RAD9B: variants seen among roughly 807,000 people sequenced by gnomAD.
RAD9B encodes the protein RAD9 checkpoint clamp component B, also known as cell cycle checkpoint control protein RAD9B.
RAD9B carries 41 observed loss-of-function variants against 48.3 expected under a neutral mutation model. The observed-to-expected ratio is 0.85, with a 90% CI of 0.66 to 1.10. The LOEUF (loss-of-function observed/expected upper bound fraction) is 1.10. Among genes scored for constraint, RAD9B ranks in the 50% least tolerant of loss-of-function variants. RAD9B has a pLI of 0.00. For missense variants in RAD9B, 444 were observed against 485.1 expected, an observed-to-expected ratio of 0.92 and a Z score of 0.80; for synonymous variants, 160 against 157.9, an observed-to-expected ratio of 1.01 and a Z score of -0.10.
rs562104997 is a variant in RAD9B, at chr12:110,514,730, G to C, written c.489-320G>C. Among the ~76,000 whole-genome samples the C allele has an allele frequency of 9.9e-5, 15 of 152,274 alleles. No homozygotes were observed. The South Asian group carries it at 3.1e-3, about 32-fold the overall frequency. On this transcript the variant is annotated intron_variant, in intron 5 of 10. Transcript: ENST00000409300. Reference sequence around the variant, plus strand: ...GTATCTCCCTTTACAGTATGATCTAGGGCATAAGTAACTGGGCATACAAAA... The same window carrying C: ...GTATCTCCCTTTACAGTATGATCTACGGCATAAGTAACTGGGCATACAAAA...
chr12:110,512,717 A>T (rs1448325733), intron 4 of RAD9B, 62 bp from the exon 5 acceptor site: 3 of 726,088 alleles, frequency 4.1e-6, no homozygotes, highest in Non-Finnish European at 6.9e-6. Flanking sequence ...AAACTTAAAG[A>T]CTTCTTTAAT....
At chr12:110,504,184 T>G (rs1451591186) in intron 2 of RAD9B, among the ~76,000 whole-genome samples, 7 of 151,618 alleles carry the variant, frequency 4.6e-5, no homozygotes, top group Admixed American at 4.6e-4. Flanking sequence ...ATTTAAAAAT[T>G]GAGGCCGGGC....
At chr12:110,510,927 C>G (rs1294680279) in intron 4 of RAD9B, among the ~76,000 whole-genome samples, 1 of 151,166 alleles carries the variant, frequency 6.6e-6, no homozygotes. Flanking sequence ...ACAGTCTAGC[C>G]TTGGCAACAG....
intron 3 of RAD9B, 43 bp from the exon 4 acceptor site, chr12:110,506,536 A>G: frequency 1.0e-6 from 1 of 979,500 alleles, no homozygotes; most frequent in South Asian, 1.3e-5. Flanking sequence ...AAAATGAATC[A>G]ACCATGTTAA....
At chr12:110,522,850 C>T (rs1271433195) in intron 10 of RAD9B, among the ~76,000 whole-genome samples, 1 of 152,092 alleles carries the variant, frequency 6.6e-6, no homozygotes, top group Non-Finnish European at 1.5e-5. Context: ...AATTTCATCC[C>T]AACAAATATC....
intron 2 of RAD9B, among the ~76,000 whole-genome samples, chr12:110,505,187 A>G (rs570254315): frequency 6.6e-6 from 1 of 152,202 alleles, no homozygotes; most frequent in Admixed American, 6.5e-5. Flanking sequence ...ATATGTATGT[A>G]TATATATAGG....
Position 110,531,645 on chromosome 12 carries a change from T to C in RAD9B, c.*992T>C. On this transcript the variant is annotated 3_prime_UTR_variant, in exon 11 of 11. Coordinates refer to ENST00000409300, the MANE Select transcript of RAD9B (RefSeq NM_001286535.2). ...TATTATCTGACATAGAACAGTATCC[T>C]CCACTGCCAAGACAGCCTGAGTTTG... The C allele has an allele frequency of 1.9e-6, 3 of 1,608,632 alleles. No homozygotes were observed. The highest frequency in any genetic ancestry group is 1.7e-6 in the Non-Finnish European group (2 of 1,178,270).
chr12:110,529,416 A>G (rs1305187933), intron 10 of RAD9B, among the ~76,000 whole-genome samples: 1 of 152,210 alleles, frequency 6.6e-6, no homozygotes, highest in East Asian at 1.9e-4. Context: ...AAGTGCTGGG[A>G]TTACAGGCGT....
At chr12:110,509,952 G>A (rs1376262247) in intron 4 of RAD9B, among the ~76,000 whole-genome samples, 1 of 152,096 alleles carries the variant, frequency 6.6e-6, no homozygotes, top group Non-Finnish European at 1.5e-5. Flanking sequence ...TCCACCAAAA[G>A]TAACTTGAAA....
At chr12:110,519,450 G>T (rs1285743283) in intron 8 of RAD9B, among the ~76,000 whole-genome samples, 1 of 147,112 alleles carries the variant, frequency 6.8e-6, no homozygotes, top group African/African-American at 2.6e-5. Flanking sequence ...TTGTTGTTGA[G>T]ATGGAGTTTT....
intron 10 of RAD9B, among the ~76,000 whole-genome samples, chr12:110,528,759 G>C (rs1204155090): frequency 6.6e-6 from 1 of 152,216 alleles, no homozygotes; most frequent in Non-Finnish European, 1.5e-5. Flanking sequence ...AGACAGTCTT[G>C]CTCTGTTGCC....
At chr12:110,508,659 G>A (rs1404345188) in intron 4 of RAD9B, among the ~76,000 whole-genome samples, 2 of 152,166 alleles carry the variant, frequency 1.3e-5, no homozygotes, top group Non-Finnish European at 2.9e-5. Context: ...TCAGGGTCTC[G>A]TCATGTTGCC....
chr12:110,530,780 T>C lies in RAD9B; in HGVS notation c.*127T>C. On this transcript the variant is annotated 3_prime_UTR_variant, in exon 11 of 11. Coordinates refer to ENST00000409300, the MANE Select transcript of RAD9B (RefSeq NM_001286535.2). ...TTCCTTTTAATGGAGGATGGGCTTT[T>C]AAACCACATCATCTTGTACAACAAC... 4 of 1,492,812 alleles carry C rather than the reference T, an allele frequency of 2.7e-6. No homozygotes were observed. Among genetic ancestry groups the C allele is most frequent in the Non-Finnish European group, 3.6e-6 (4 of 1,126,518 alleles). The allele number at this position is 1,492,812 out of a possible 1,614,324, so 92.5% of individuals were successfully genotyped here. A position where few individuals can be genotyped will look rare whatever the true frequency, so the allele number is the denominator to read the frequency against.
chr12:110,504,478 CAA>C (rs765939893), intron 2 of RAD9B, among the ~76,000 whole-genome samples: 29 of 58,112 alleles, frequency 5.0e-4, no homozygotes, highest in Admixed American at 9.0e-4. Context: ...GACTCCGTCC[CAA>C]AAAAAAAAAA....
chr12:110,531,470 A>C lies in RAD9B; in HGVS notation c.*817A>C. 2.5e-6 allele frequency: 2 copies of C among 792,020 alleles called. No homozygotes were observed. The highest frequency in any genetic ancestry group is 2.3e-5 in the Admixed American group (1 of 43,732). The allele number at this position is 792,020 out of a possible 1,614,324, so 49.1% of individuals were successfully genotyped here. On this transcript the variant is annotated 3_prime_UTR_variant, in exon 11 of 11. Transcript: ENST00000409300. Reference sequence around the variant, plus strand: ...GCCTCCCAAAGTGCTGGGATTACAGACTTGAGCCACTGCGCCCAACCTGGA... The same window carrying C: ...GCCTCCCAAAGTGCTGGGATTACAGCCTTGAGCCACTGCGCCCAACCTGGA...
At chr12:110,518,834 T>C in intron 7 of RAD9B, 40 bp from the exon 8 acceptor site, 3 of 1,575,314 alleles carry the variant, frequency 1.9e-6, no homozygotes, top group Non-Finnish European at 2.6e-6. Flanking sequence ...TGTAAGTTTT[T>C]ATAAGGATTT....
At chr12:110,522,725 G>A (rs2063822361) in intron 10 of RAD9B, among the ~76,000 whole-genome samples, 1 of 152,116 alleles carries the variant, frequency 6.6e-6, no homozygotes, top group Non-Finnish European at 1.5e-5. Context: ...ATTCTATCTT[G>A]AATAACAATA....
At chr12:110,520,650 GT>G (rs1232808618) in intron 9 of RAD9B, among the ~76,000 whole-genome samples, 6 of 69,640 alleles carry the variant, frequency 8.6e-5, no homozygotes, top group South Asian at 8.9e-4. Flanking sequence ...TTTTTTTGTT[GT>G]TTTTTTTTTG....
At chr12:110,522,136 C>A in intron 9 of RAD9B, 41 bp from the exon 10 acceptor site, 1 of 1,287,126 alleles carries the variant, frequency 7.8e-7, no homozygotes, top group Non-Finnish European at 1.1e-6. Flanking sequence ...ATATATTTCA[C>A]AATAAACAGT....
Sources: allele counts gnomAD v4.1 joint callset (sites outside exome capture counted in the v4.1 genomes callset), GRCh38; gene constraint gnomAD v4.1.1; transcripts MANE v1.5; gene names NCBI Gene and HGNC (gene_info 2026-07-23, HGNC 2026-07-21).